Variants in CSMD2 observed in about 807,000 individuals in gnomAD.
CSMD2 encodes the protein CUB and Sushi multiple domains 2.
In CSMD2, 130 loss-of-function variants were observed where a neutral mutation model predicts 398.5. The ratio of observed to expected loss-of-function variants is 0.33; its 90% CI spans 0.28 to 0.38. The LOEUF is 0.38. CSMD2 is among the 10% of genes least tolerant of loss of function. The probability of loss-of-function intolerance (pLI) is 1.00; values close to 1 mark genes in which losing one functional copy is unlikely to be tolerated. For missense variants in CSMD2, 3,829 were observed against 4,764.9 expected (o/e 0.80, Z 5.78); for synonymous variants, 1,828 against 1,908.5 (o/e 0.96, Z 1.10).
chr1:34,049,872 T>C (rs573452753), intron 2 of CSMD2, among the ~76,000 whole-genome samples: 1 of 151,998 alleles, frequency 6.6e-6, no homozygotes, highest in East Asian at 1.9e-4. Flanking sequence ...CTTCGGGAGG[T>C]AGTTAGGATT....
rs2148592925 is a variant in CSMD2 at position 34,163,970 on chromosome 1, T to C, written c.187+941A>G. On this transcript the variant is annotated intron_variant, in intron 1 of 70. Coordinates refer to ENST00000373381, the MANE Select transcript of CSMD2 (RefSeq NM_001281956.2). The surrounding 1 kb of genome is among the most constrained non-coding windows in gnomAD (Gnocchi z 5.4). ...CGTACCTCCCCCGCGCGCTGCAAGC[T>C]GCAGCCAGACACCCGCGAAGTTCCG... is the stretch of plus-strand genomic sequence containing the variant. Among the ~76,000 whole-genome samples, 1 of 152,152 alleles carries C rather than the reference T, an allele frequency of 6.6e-6. No individual in the cohort carries two copies. The highest frequency in any genetic ancestry group is 1.9e-4 in the East Asian group (1 of 5,132).
chr1:33,922,660 G>C (rs1293414598), intron 4 of CSMD2, among the ~76,000 whole-genome samples: 6 of 152,036 alleles, frequency 3.9e-5, no homozygotes, highest in South Asian at 2.1e-4. Flanking sequence ...TCCCATCTTG[G>C]AGGGTCAGCA....
intron 13 of CSMD2, among the ~76,000 whole-genome samples, chr1:33,764,180 C>T (rs1650190232): frequency 6.6e-6 from 1 of 152,144 alleles, no homozygotes; most frequent in Admixed American, 6.5e-5. Flanking sequence ...GACTCCACCT[C>T]CTTGTACATT....
chr1:33,939,145 T>G (rs1365938185), intron 3 of CSMD2, among the ~76,000 whole-genome samples: 3 of 152,052 alleles, frequency 2.0e-5, no homozygotes, highest in African/African-American at 7.2e-5. Flanking sequence ...TTACTTAACA[T>G]TTCCCATGAT....
chr1:33,593,313 G>A (rs1310379757), intron 44 of CSMD2, among the ~76,000 whole-genome samples: 1 of 152,182 alleles, frequency 6.6e-6, no homozygotes, highest in African/African-American at 2.4e-5. Flanking sequence ...AGAAAATATA[G>A]TTGAATGTTA....
chr1:34,016,312 C>T (rs548332548), intron 3 of CSMD2, among the ~76,000 whole-genome samples: 12 of 151,924 alleles, frequency 7.9e-5, no homozygotes, highest in Non-Finnish European at 1.5e-4. Flanking sequence ...CCTTTCCCCC[C>T]ACCCCCAATA....
Position 33,810,629 on chromosome 1 carries a change from C to T in CSMD2, c.1446+114G>A, listed in dbSNP as rs1656757377. 4 of 1,034,066 alleles carry T rather than the reference C, an allele frequency of 3.9e-6. No individual in the cohort carries two copies. In the Admixed American group the frequency reaches 7.8e-5, roughly 20 times the overall value. The allele number at this position is 1,034,066 out of a possible 1,614,324, so 64.1% of individuals were successfully genotyped here. A position where few individuals can be genotyped will look rare whatever the true frequency, so the allele number is the denominator to read the frequency against. On this transcript the variant is annotated intron_variant, in intron 10 of 70. Coordinates refer to ENST00000373381, the MANE Select transcript of CSMD2 (RefSeq NM_001281956.2). ...ATTAATAAAAAAAAAAGTAAAAGAA[C>T]TGTCTGCAGAGAATCTACCATCAGT...
chr1:33,598,432 C>T (rs1426730104), intron 44 of CSMD2, among the ~76,000 whole-genome samples: 2 of 152,156 alleles, frequency 1.3e-5, no homozygotes, highest in Admixed American at 1.3e-4. Context: ...GGGCTCTGGT[C>T]TGAGCTGGGA....
intron 50 of CSMD2, among the ~76,000 whole-genome samples, chr1:33,572,079 C>T (rs2148696579): frequency 6.6e-6 from 1 of 152,168 alleles, no homozygotes; most frequent in Non-Finnish European, 1.5e-5. Context: ...TGGAGTAATT[C>T]AAAATTTGTT....
At position 33,636,475 on chromosome 1, in the gene CSMD2, G is replaced by A. The variant is rs1642809825; in HGVS notation, c.4854C>T (p.Ser1618=). The A allele has an allele frequency of 1.2e-6, 2 of 1,614,066 alleles. No individual in the cohort carries two copies. Among genetic ancestry groups the A allele is most frequent in the Admixed American group, 3.3e-5 (2 of 60,008 alleles). The change falls in exon 30 of 71, where the codon TCC becomes TCT. Residue 1618 remains serine (S), a synonymous_variant. Coordinates refer to ENST00000373381, the MANE Select transcript of CSMD2 (RefSeq NM_001281956.2). The surrounding 1 kb of genome is among the most constrained non-coding windows in gnomAD (Gnocchi z 4.8). The part of the protein sequence containing the change: ...TRVGSDLKLG[S]SVTYYCHGGY... The stretch of plus-strand genomic sequence containing the variant: ...CCCCGTGGCAGTAGTAGGTGACGGA[G>A]GAGCCCAGCTTCAGGTCGGACCCCA...
At chr1:33,817,794 A>T (rs1211963820) in intron 9 of CSMD2, among the ~76,000 whole-genome samples, 2 of 152,236 alleles carry the variant, frequency 1.3e-5, no homozygotes, top group Non-Finnish European at 2.9e-5. Context: ...AGGTGAAGAA[A>T]CTGGCCCAAG....
intron 13 of CSMD2, among the ~76,000 whole-genome samples, chr1:33,744,790 T>C (rs906527644): frequency 1.3e-5 from 2 of 151,998 alleles, no homozygotes; most frequent in East Asian, 1.9e-4. Flanking sequence ...TCCATTTCAA[T>C]AGAAAAAATA....
At chr1:33,675,064 C>A (rs557003542) in intron 25 of CSMD2, among the ~76,000 whole-genome samples, 111 of 152,214 alleles carry the variant, frequency 7.3e-4, no homozygotes, top group Middle Eastern at 6.8e-3. Flanking sequence ...GAAGGAAGAG[C>A]AAACACATTC....
chr1:33,837,618 G>A (rs111639519), intron 6 of CSMD2, among the ~76,000 whole-genome samples: 3,173 of 152,228 alleles, frequency 0.021, 125 homozygotes, highest in African/African-American at 0.072. Flanking sequence ...ACATTTCTGC[G>A]TATAACAAGC....
intron 21 of CSMD2, among the ~76,000 whole-genome samples, chr1:33,711,833 A>G (rs1646001453): frequency 6.6e-6 from 1 of 152,052 alleles, no homozygotes; most frequent in South Asian, 2.1e-4. Flanking sequence ...CTTTACGAGG[A>G]GGGGCTGATA....
At chr1:34,003,002 C>T (rs1279561053) in intron 3 of CSMD2, among the ~76,000 whole-genome samples, 3 of 152,194 alleles carry the variant, frequency 2.0e-5, no homozygotes, top group Non-Finnish European at 4.4e-5. Context: ...GTCAGGCTCC[C>T]TCATTGGATA....
intron 12 of CSMD2, among the ~76,000 whole-genome samples, chr1:33,779,026 A>G (rs1434761266): frequency 1.3e-5 from 2 of 152,144 alleles, no homozygotes; most frequent in East Asian, 1.9e-4. Flanking sequence ...GTAGCAGCCT[A>G]TGGTTCCCCT....
At chr1:33,621,712 G>C (rs1641783650) in intron 37 of CSMD2, among the ~76,000 whole-genome samples, 1 of 152,184 alleles carries the variant, frequency 6.6e-6, no homozygotes, top group African/African-American at 2.4e-5. Flanking sequence ...TGACCACTTA[G>C]GGATGCCAGA....
At chr1:34,003,031 C>G (rs1646948198) in intron 3 of CSMD2, among the ~76,000 whole-genome samples, 1 of 152,138 alleles carries the variant, frequency 6.6e-6, no homozygotes, top group Non-Finnish European at 1.5e-5. Context: ...TTTGCATAAA[C>G]AGTACCTCTG....
Sources: allele counts gnomAD v4.1 joint callset (sites outside exome capture counted in the v4.1 genomes callset), GRCh38; gene constraint gnomAD v4.1.1; non-coding constraint Gnocchi (gnomAD v3.1); transcripts MANE v1.5; gene names NCBI Gene and HGNC (gene_info 2026-07-23, HGNC 2026-07-21).